The following VPS37C variants were observed in gnomAD, a reference collection of about 807,000 sequenced individuals.
VPS37C encodes vacuolar protein sorting-associated protein 37C.
VPS37C carries 9 observed loss-of-function variants against 16.1 expected under a neutral mutation model. That is an observed-to-expected ratio of 0.56 (90% CI 0.34 to 0.97). VPS37C has a LOEUF of 0.97. Ranked by LOEUF, VPS37C falls within the 50% of genes least tolerant of loss-of-function variation. VPS37C has a pLI of 0.02. For synonymous variants in VPS37C, 207 were observed against 206.4 expected (o/e 1.00, Z -0.02); for missense variants, 479 against 472.7 (o/e 1.01, Z -0.12).
At chr11:61,149,053 G>A (rs1158587322) in intron 1 of VPS37C, among the ~76,000 whole-genome samples, 3 of 152,196 alleles carry the variant, frequency 2.0e-5, no homozygotes, top group East Asian at 1.9e-4. Context: ...AGGCCAAGGC[G>A]GGCGGACCAC....
At chr11:61,150,085 C>G (rs1022589995) in intron 1 of VPS37C, among the ~76,000 whole-genome samples, 12 of 152,138 alleles carry the variant, frequency 7.9e-5, no homozygotes, top group African/African-American at 2.9e-4. Flanking sequence ...CACACACCTG[C>G]ATTCCAGCAT....
intron 1 of VPS37C, among the ~76,000 whole-genome samples, chr11:61,142,485 T>G (rs1052130979): frequency 6.6e-6 from 1 of 152,100 alleles, no homozygotes; most frequent in Non-Finnish European, 1.5e-5. Flanking sequence ...CCTCCCGCCT[T>G]GACCTCCCAA....
chr11:61,152,852 T>TAA, intron 1 of VPS37C, among the ~76,000 whole-genome samples: 1 of 152,366 alleles, frequency 6.6e-6, no homozygotes, highest in Non-Finnish European at 1.5e-5. Context: ...TACTCTTTCC[T>TAA]ACACTTTCCC....
chr11:61,143,969 T>C (rs991381339), intron 1 of VPS37C: 2 of 133,846 alleles, frequency 1.5e-5, no homozygotes, highest in African/African-American at 5.6e-5. Context: ...CGATTCTTAA[T>C]TTTTTTTTTT....
intron 1 of VPS37C, among the ~76,000 whole-genome samples, chr11:61,156,953 T>C (rs914015739): frequency 1.3e-5 from 2 of 152,252 alleles, no homozygotes; most frequent in Non-Finnish European, 2.9e-5. Context: ...CGAATTGGAC[T>C]ACTCTAGGAA....
chr11:61,133,047 C>A, intron 4 of VPS37C: 1 of 686,750 alleles, frequency 1.5e-6, no homozygotes, highest in Non-Finnish European at 2.6e-6. Flanking sequence ...TGTCCACTGT[C>A]ACCCGTTTCT....
chr11:61,150,812 G>C (rs1048893663), intron 1 of VPS37C, among the ~76,000 whole-genome samples: 1 of 152,040 alleles, frequency 6.6e-6, no homozygotes, highest in Non-Finnish European at 1.5e-5. Flanking sequence ...GTAGAGTGTG[G>C]GGAGTCATCA....
intron 1 of VPS37C, among the ~76,000 whole-genome samples, chr11:61,155,162 G>T (rs10750953): frequency 0.57 from 85,285 of 149,986 alleles, 25,051 homozygotes; most frequent in East Asian, 0.99. Flanking sequence ...AAGGAGAAAA[G>T]ATACATTACA....
At chr11:61,157,109 T>C (rs1031845146) in intron 1 of VPS37C, among the ~76,000 whole-genome samples, 1 of 152,278 alleles carries the variant, frequency 6.6e-6, no homozygotes, top group Non-Finnish European at 1.5e-5. Context: ...ATCTAATACA[T>C]ATAACACATT....
intron 1 of VPS37C, among the ~76,000 whole-genome samples, chr11:61,155,603 A>C (rs868640796): frequency 1.2e-4 from 18 of 152,212 alleles, no homozygotes; most frequent in Admixed American, 3.3e-4. Context: ...AAAAAAAAAT[A>C]GTTAATCCAG....
chr11:61,138,801 T>A lies in VPS37C; in HGVS notation c.29A>T (p.Gln10Leu), dbSNP rs766965009. The A allele has an allele frequency of 7.4e-6, 12 of 1,613,992 alleles. No homozygotes were observed. The highest frequency in any genetic ancestry group is 7.6e-6 in the Non-Finnish European group (9 of 1,180,040). ...GTCATTCTGCAACTCCTCCAGCTCC[T>A]GCAGGGTCTTATCCTTCAGCGTCTC... METLKDKTL[Q>L]ELEELQNDSE... Residue 10 changes from glutamine (Q) to leucine (L), a missense_variant, in exon 2 of 5, where the codon CAG becomes CTG. Physicochemically the swap from Gln to Leu is moderately radical, Grantham distance 113 (BLOSUM62 -2). Transcript: ENST00000301765.
At chr11:61,157,994 G>A (rs1853405258) in intron 1 of VPS37C, among the ~76,000 whole-genome samples, 1 of 152,212 alleles carries the variant, frequency 6.6e-6, no homozygotes. Flanking sequence ...TCTGAGACGA[G>A]TAAAAGCTTC....
chr11:61,152,881 T>C (rs1370372774), intron 1 of VPS37C, among the ~76,000 whole-genome samples: 3 of 152,238 alleles, frequency 2.0e-5, no homozygotes, highest in Admixed American at 2.0e-4. Context: ...AAATGCCTGC[T>C]CCATCCCTCA....
chr11:61,157,711 T>C (rs1565197659), intron 1 of VPS37C, among the ~76,000 whole-genome samples: 1 of 152,242 alleles, frequency 6.6e-6, no homozygotes, highest in Non-Finnish European at 1.5e-5. Flanking sequence ...CAAAGACTAT[T>C]TCCGGGGGCT....
intron 3 of VPS37C, 66 bp downstream of exon 3, chr11:61,133,970 G>A: frequency 6.5e-7 from 1 of 1,542,536 alleles, no homozygotes; most frequent in South Asian, 1.2e-5. Flanking sequence ...GCACAGGGCT[G>A]GGAACACGGT....
chr11:61,139,597 T>C lies in VPS37C; in HGVS notation c.-6-762A>G, dbSNP rs559427023. On this transcript the variant is annotated intron_variant, in intron 1 of 4. Coordinates refer to ENST00000301765, the MANE Select transcript of VPS37C (RefSeq NM_017966.5). ...AGAGGGCCATCGATTGTCTGTGTGG[T>C]AGATGGGTCACAGCCAGGCCCAGGA... Among the ~76,000 whole-genome samples, 115 of 152,162 alleles carry C rather than the reference T, an allele frequency of 7.6e-4. 1 individual carries two copies. The highest frequency in any genetic ancestry group is 2.6e-3 in the African/African-American group (109 of 41,520).
At chr11:61,148,460 A>T (rs1853249241) in intron 1 of VPS37C, among the ~76,000 whole-genome samples, 1 of 152,012 alleles carries the variant, frequency 6.6e-6, no homozygotes, top group Non-Finnish European at 1.5e-5. Context: ...AACCTTCCTA[A>T]TCATGCTGCT....
Position 61,159,720 on chromosome 11 carries a change from A to T in VPS37C, c.-7+1671T>A, listed in dbSNP as rs528824474. Among the ~76,000 whole-genome samples, 6 of 81,342 alleles carry T rather than the reference A, an allele frequency of 7.4e-5. No individual in the cohort carries two copies. The South Asian group carries it at 2.3e-3, about 32-fold the overall frequency. The allele number at this position is 81,342 out of a possible 152,430, so 53.4% of individuals were successfully genotyped here. The stretch of plus-strand genomic sequence containing the variant: ...CAGAGCGAGACTCCGTCTCAAAAAA[A>T]AATAAATAAATAAATAAATAAAAAA... On this transcript the variant is annotated intron_variant, in intron 1 of 4. Coordinates refer to ENST00000301765, the MANE Select transcript of VPS37C (RefSeq NM_017966.5).
At chr11:61,151,410 T>C (rs1001131571) in intron 1 of VPS37C, among the ~76,000 whole-genome samples, 1 of 152,122 alleles carries the variant, frequency 6.6e-6, no homozygotes, top group South Asian at 2.1e-4. Flanking sequence ...GAAACTCAGC[T>C]CTGCAGGGGA....
Sources: allele counts gnomAD v4.1 joint callset (sites outside exome capture counted in the v4.1 genomes callset), GRCh38; gene constraint gnomAD v4.1.1; transcripts MANE v1.5; gene names NCBI Gene and HGNC (gene_info 2026-07-23, HGNC 2026-07-21).